Variants in NHSL3 observed in about 807,000 individuals in gnomAD.
NHSL3 encodes NHS-like protein 3.
the NHSL3 span, chr1:32,770,373 C>G: frequency 6.2e-7 from 1 of 1,609,000 alleles, no homozygotes; most frequent in East Asian, 2.2e-5. The surrounding 1 kb of genome is among the most constrained non-coding windows in gnomAD (Gnocchi z 8.3). Flanking sequence ...GCTTCTCCTC[C>G]GTCTCCAGCC....
chr1:32,755,985 GAAGAT>G, the NHSL3 span, among the ~76,000 whole-genome samples: 3 of 152,216 alleles, frequency 2.0e-5, no homozygotes, highest in Admixed American at 6.5e-5. Flanking sequence ...GGAGGAGAGA[GAAGAT>G]AAGAAGGCTG....
the NHSL3 span, chr1:32,742,015 C>T: frequency 1.6e-6 from 2 of 1,235,462 alleles, no homozygotes; most frequent in African/African-American, 1.6e-5. Context: ...CCCGGGCGGC[C>T]CCCCGCGCAG....
chr1:32,768,835 T>A, the NHSL3 span: 76 of 1,580,498 alleles, frequency 4.8e-5, no homozygotes, highest in African/African-American at 9.0e-4. Context: ...CATCTGTAGC[T>A]TCTTTTCCTC....
chr1:32,767,180 C>T, the NHSL3 span, among the ~76,000 whole-genome samples: 2 of 152,282 alleles, frequency 1.3e-5, no homozygotes, highest in South Asian at 4.1e-4. Context: ...GGACCTGGTT[C>T]AAGTGGTGGC....
the NHSL3 span, chr1:32,772,126 C>T: frequency 6.2e-7 from 1 of 1,613,302 alleles, no homozygotes. Flanking sequence ...GAAGCTGCAG[C>T]TGGAGCGGCC....
the NHSL3 span, among the ~76,000 whole-genome samples, chr1:32,763,519 G>A: frequency 6.6e-6 from 1 of 151,990 alleles, no homozygotes; most frequent in East Asian, 1.9e-4. Context: ...GCCCTGACTG[G>A]CTCCTCAGTA....
the NHSL3 span, chr1:32,742,341 CT>C: frequency 1.3e-6 from 1 of 756,272 alleles, no homozygotes; most frequent in Non-Finnish European, 1.8e-6. Context: ...AGTCCGAACA[CT>C]TCCACCCTGC....
chr1:32,768,182 T>C, the NHSL3 span: 1 of 1,108,184 alleles, frequency 9.0e-7, no homozygotes, highest in Non-Finnish European at 1.4e-6. Context: ...CAAGGATGTC[T>C]TGGAACATTT....
At chr1:32,771,490 CCT>C in the NHSL3 span, 1 of 1,579,338 alleles carries the variant, frequency 6.3e-7, no homozygotes. Context: ...CAACTGGCCC[CCT>C]CCCCCACCCC....
the NHSL3 span, among the ~76,000 whole-genome samples, chr1:32,756,787 G>A: frequency 7.2e-5 from 11 of 152,014 alleles, no homozygotes; most frequent in South Asian, 2.3e-3. Context: ...CAGCCAACAT[G>A]GTGAAACCCC....
the NHSL3 span, chr1:32,773,739 G>C: frequency 6.5e-6 from 1 of 152,722 alleles, no homozygotes; most frequent in Non-Finnish European, 1.5e-5. Context: ...CAGCACTTCA[G>C]AGGCAGGAGC....
the NHSL3 span, among the ~76,000 whole-genome samples, chr1:32,762,061 T>G: frequency 6.6e-6 from 1 of 152,174 alleles, no homozygotes; most frequent in African/African-American, 2.4e-5. Flanking sequence ...TGGTTTCCAT[T>G]TCCTCATCTA....
the NHSL3 span, chr1:32,768,632 A>T: frequency 6.2e-7 from 1 of 1,613,610 alleles, no homozygotes; most frequent in Admixed American, 1.7e-5. Context: ...CCCCACCCAG[A>T]TCTCCTTCTA....
At chr1:32,755,226 C>A in the NHSL3 span, among the ~76,000 whole-genome samples, 1 of 152,168 alleles carries the variant, frequency 6.6e-6, no homozygotes, top group Admixed American at 6.5e-5. Context: ...GTGATGGTAC[C>A]ATTCCCTCCT....
chr1:32,761,195 C>T, the NHSL3 span, among the ~76,000 whole-genome samples: 5 of 152,142 alleles, frequency 3.3e-5, no homozygotes, highest in Non-Finnish European at 5.9e-5. Flanking sequence ...GGACTCTAAG[C>T]GTGGCTGTGG....
chr1:32,762,104 A>T, the NHSL3 span, among the ~76,000 whole-genome samples: 1 of 152,180 alleles, frequency 6.6e-6, no homozygotes, highest in African/African-American at 2.4e-5. Flanking sequence ...ACTTCTTAGG[A>T]TTATTGTTTA....
the NHSL3 span, among the ~76,000 whole-genome samples, chr1:32,754,500 C>T: frequency 1.3e-5 from 2 of 152,124 alleles, no homozygotes; most frequent in Admixed American, 6.5e-5. Context: ...CAGCCTGAGA[C>T]ATAGGTACAT....
At chr1:32,742,830 CCTT>C in the NHSL3 span, among the ~76,000 whole-genome samples, 4 of 152,240 alleles carry the variant, frequency 2.6e-5, no homozygotes, top group Admixed American at 6.5e-5. Context: ...CCCTATCACT[CCTT>C]CTTCCAGCCC....
chr1:32,745,123 AAAAAAAAAAAG>A, the NHSL3 span, among the ~76,000 whole-genome samples: 5 of 145,412 alleles, frequency 3.4e-5, no homozygotes, highest in East Asian at 2.1e-4. Flanking sequence ...GAGACTCAGA[AAAAAAAAAAAG>A]AAAAAAAAAA....
Sources: gnomAD v4.1 joint callset for allele counts (sites outside exome capture counted in the v4.1 genomes callset) on GRCh38, gnomAD v4.1.1 for gene constraint, Gnocchi (gnomAD v3.1) non-coding constraint, MANE v1.5 for transcripts, NCBI Gene and HGNC (gene_info 2026-07-23, HGNC 2026-07-21) for gene names.